The following AKAP9 variants were observed in gnomAD, a reference collection of about 807,000 sequenced individuals.
AKAP9 encodes A-kinase anchoring protein 9.
Under a neutral mutation model 488.5 loss-of-function variants are expected in AKAP9, and 311 were observed. The observed-to-expected ratio is 0.64, with a 90% CI of 0.58 to 0.70. The LOEUF is 0.70. AKAP9 is among the 30% of genes least tolerant of loss of function. The pLI is 0.00. For missense variants in AKAP9, 4,215 were observed against 4,374.5 expected (o/e 0.96, Z 1.03); for synonymous variants, 1,462 against 1,483.5 (o/e 0.99, Z 0.33).
At chr7:92,069,930 T>G in intron 26 of AKAP9, 100 bp from the exon 27 acceptor site, 1 of 1,069,868 alleles carries the variant, frequency 9.3e-7, no homozygotes, top group Non-Finnish European at 1.4e-6. Context: ...TTTTGGAGCA[T>G]TTTGGATTGT....
intron 3 of AKAP9, among the ~76,000 whole-genome samples, chr7:91,988,334 A>C (rs1797356364): frequency 7.7e-6 from 1 of 130,672 alleles, no homozygotes; most frequent in African/African-American, 2.9e-5. Context: ...AAGCTAGGTG[A>C]TAGTGTGTGC....
intron 1 of AKAP9, among the ~76,000 whole-genome samples, chr7:91,942,950 G>A (rs1255862704): frequency 6.6e-6 from 1 of 152,010 alleles, no homozygotes; most frequent in Non-Finnish European, 1.5e-5. Context: ...TGCTGACATT[G>A]GGAGCCTGGG....
At chr7:92,018,128 C>A (rs1331930998) in intron 12 of AKAP9, among the ~76,000 whole-genome samples, 1 of 152,144 alleles carries the variant, frequency 6.6e-6, no homozygotes, top group African/African-American at 2.4e-5. Flanking sequence ...GGCTGCCCAG[C>A]TTGTGCATCG....
intron 15 of AKAP9, among the ~76,000 whole-genome samples, chr7:92,030,936 A>G (rs556281938): frequency 1.3e-5 from 2 of 152,380 alleles, no homozygotes; most frequent in Admixed American, 1.3e-4. Flanking sequence ...TTCCTCGCTC[A>G]GTATACAGAG....
intron 3 of AKAP9, among the ~76,000 whole-genome samples, chr7:91,984,078 G>C (rs1418545401): frequency 6.6e-6 from 1 of 152,110 alleles, no homozygotes; most frequent in Admixed American, 6.5e-5. Flanking sequence ...CCATTCTGTA[G>C]GTTGCCTTTT....
chr7:92,067,026 T>C (rs1474188574), intron 26 of AKAP9, among the ~76,000 whole-genome samples: 1 of 152,196 alleles, frequency 6.6e-6, no homozygotes, highest in Non-Finnish European at 1.5e-5. Flanking sequence ...CAGAGGCATT[T>C]ATTGCAGCCT....
At chr7:92,040,542 A>G (rs1805892532) in intron 17 of AKAP9, 132 bp from the exon 18 acceptor site, 1 of 651,484 alleles carries the variant, frequency 1.5e-6, no homozygotes, top group African/African-American at 1.8e-5. Context: ...TTTGTTTAAT[A>G]ATAAAATATC....
Position 92,086,286 on chromosome 7 carries a change from T to G in AKAP9, c.9083T>G (p.Leu3028Arg). ...TCAGACTGGCGAGGTGAACTACTGC[T>G]TGCCCTTCAACAAGTTTTCTTAGAA... Reference protein sequence around the residue: ...SFSDWRGELLLALQQVFLEER... With the variant: ...SFSDWRGELLRALQQVFLEER... The change falls in exon 37 of 50, where the codon CTT becomes CGT. Residue 3028 changes from leucine (L) to arginine (R), a missense_variant. Leu to Arg is a moderately radical substitution (Grantham distance 102). Transcript: ENST00000356239. 6.2e-7 allele frequency: 1 copy of G among 1,614,166 alleles called. No homozygotes were observed. Among genetic ancestry groups the G allele is most frequent in the Non-Finnish European group, 8.5e-7 (1 of 1,180,008 alleles).
intron 1 of AKAP9, among the ~76,000 whole-genome samples, chr7:91,951,760 A>G (rs889728339): frequency 6.6e-6 from 1 of 152,152 alleles, no homozygotes; most frequent in Non-Finnish European, 1.5e-5. Flanking sequence ...CCTTTATTCT[A>G]TATACTCATA....
chr7:92,077,789 A>G lies in AKAP9; in HGVS notation c.6859A>G (p.Ile2287Val). 1 of 1,613,898 alleles carries G rather than the reference A, an allele frequency of 6.2e-7. No homozygotes were observed. Among genetic ancestry groups the G allele is most frequent in the East Asian group, 2.2e-5 (1 of 44,810 alleles). The stretch of plus-strand genomic sequence containing the variant: ...GCTATTTGGGAAATTTGCTCAAATA[A>G]TACAGGAAAAAGAGGTAGAAATTGA... ...HVLFGKFAQI[I>V]QEKEVEIDQL... The change falls in exon 30 of 50, where the codon ATA becomes GTA. Residue 2287 changes from isoleucine (I) to valine (V), a missense_variant. By Grantham distance (29) the Ile-to-Val change is conservative. Transcript: ENST00000356239.
At chr7:91,967,906 G>T (rs1268248729) in intron 1 of AKAP9, among the ~76,000 whole-genome samples, 1 of 152,148 alleles carries the variant, frequency 6.6e-6, no homozygotes, top group Non-Finnish European at 1.5e-5. Flanking sequence ...ATTCAGAAGT[G>T]AAGCCATCAA....
intron 12 of AKAP9, 134 bp downstream of exon 12, chr7:92,017,236 T>A: frequency 1.4e-6 from 1 of 707,120 alleles, no homozygotes; most frequent in Non-Finnish European, 2.5e-6. Flanking sequence ...GTGACATATA[T>A]TTGTAGTAGA....
Position 92,002,533 on chromosome 7 carries a change from CAAAGT to C in AKAP9, c.2620_2624del (p.Val874ArgfsTer2). 6.2e-7 allele frequency: 1 copy of C among 1,609,954 alleles called. No individual in the cohort carries two copies. Among genetic ancestry groups the C allele is most frequent in the Non-Finnish European group, 8.5e-7 (1 of 1,178,350 alleles). On this transcript the variant is annotated frameshift_variant, in exon 8 of 50. Coordinates refer to ENST00000356239, the MANE Select transcript of AKAP9 (RefSeq NM_005751.5). LOFTEE classifies it high-confidence loss of function. ...TACAAGAGGAGTATGCTTGCCTTCTCAAAGTAAAAGATGATTTAGAAGACAGTAAA... is the reference window on the plus strand; with the variant it reads ...TACAAGAGGAGTATGCTTGCCTTCTCAAAAGATGATTTAGAAGACAGTAAA...
At chr7:91,983,766 C>T (rs189646791) in intron 3 of AKAP9, among the ~76,000 whole-genome samples, 5 of 152,246 alleles carry the variant, frequency 3.3e-5, no homozygotes, top group East Asian at 1.9e-4. Context: ...AGTGTAAAAC[C>T]GTTCTTATTT....
intron 29 of AKAP9, 37 bp downstream of exon 29, chr7:92,077,044 T>C (rs376539059): frequency 1.9e-5 from 25 of 1,282,048 alleles, no homozygotes; most frequent in Non-Finnish European, 2.6e-5. Flanking sequence ...TGTAAATAAG[T>C]CATAGTTTCA....
intron 16 of AKAP9, among the ~76,000 whole-genome samples, chr7:92,035,031 T>C (rs765615169): frequency 1.2e-4 from 18 of 152,250 alleles, no homozygotes; most frequent in Non-Finnish European, 2.4e-4. Flanking sequence ...CTTCTGCTTT[T>C]CTAAAAGGAA....
At chr7:92,078,306 T>TTTTAA (rs71528035) in intron 30 of AKAP9, among the ~76,000 whole-genome samples, 63,031 of 151,588 alleles carry the variant, frequency 0.42, 13,565 homozygotes, top group African/African-American at 0.52. Flanking sequence ...CCCAATTCTC[T>TTTTAA]TTTATTAATT....
rs1157541342 is a variant in AKAP9, at chr7:92,040,841, A to G, written c.4860A>G (p.Arg1620=). The G allele has an allele frequency of 6.2e-7, 1 of 1,613,984 alleles. No homozygotes were observed. The highest frequency in any genetic ancestry group is 8.5e-7 in the Non-Finnish European group (1 of 1,180,022). The change falls in exon 18 of 50, where the codon CGA becomes CGG. Residue 1620 remains arginine, a synonymous_variant. Coordinates refer to ENST00000356239, the MANE Select transcript of AKAP9 (RefSeq NM_005751.5). Reference sequence around the variant, plus strand: ...ATATGCGGCAAATGGAGAGACAGCGAGAAGACCAGGAACAGCTACAAGAAG... The same window carrying G: ...ATATGCGGCAAATGGAGAGACAGCGGGAAGACCAGGAACAGCTACAAGAAG... ...QAHMRQMERQ[R]EDQEQLQEEI...
At chr7:91,953,175 C>T (rs1335111234) in intron 1 of AKAP9, among the ~76,000 whole-genome samples, 1 of 152,104 alleles carries the variant, frequency 6.6e-6, no homozygotes, top group African/African-American at 2.4e-5. Context: ...GTAAAATCAG[C>T]AGAACTTGGT....
Sources: allele counts gnomAD v4.1 joint callset (sites outside exome capture counted in the v4.1 genomes callset), GRCh38; gene constraint gnomAD v4.1.1; transcripts MANE v1.5; gene names NCBI Gene and HGNC (gene_info 2026-07-23, HGNC 2026-07-21).